Variants in SLC2A9 observed in about 807,000 individuals in gnomAD.
SLC2A9 encodes the protein solute carrier family 2 member 9.
Under a neutral mutation model 50.6 loss-of-function variants are expected in SLC2A9, and 39 were observed. That is an observed-to-expected ratio of 0.77 (90% CI 0.60 to 1.01). SLC2A9 has a LOEUF of 1.01. Ranked by LOEUF, SLC2A9 falls within the 50% of genes least tolerant of loss-of-function variation. The probability of loss-of-function intolerance (pLI) is 0.00; values close to 1 mark genes in which losing one functional copy is unlikely to be tolerated. For missense variants in SLC2A9, 686 were observed against 677.6 expected, an observed-to-expected ratio of 1.01 and a Z score of -0.14; for synonymous variants, 324 against 276.9, an observed-to-expected ratio of 1.17 and a Z score of -1.69.
At chr4:9,963,329 T>C (rs1752569141) in intron 5 of SLC2A9, among the ~76,000 whole-genome samples, 1 of 152,176 alleles carries the variant, frequency 6.6e-6, no homozygotes, top group African/African-American at 2.4e-5. Context: ...TGGGTAGGGA[T>C]AAAGCCAAGC....
chr4:9,851,040 C>T (rs1284372992), intron 10 of SLC2A9, among the ~76,000 whole-genome samples: 1 of 150,460 alleles, frequency 6.6e-6, no homozygotes, highest in Non-Finnish European at 1.5e-5. Flanking sequence ...TATGCAGGAA[C>T]ACCACCACCC....
chr4:9,894,387 A>T (rs1475635701), intron 8 of SLC2A9, among the ~76,000 whole-genome samples: 1 of 152,206 alleles, frequency 6.6e-6, no homozygotes, highest in Non-Finnish European at 1.5e-5. Flanking sequence ...AAGCTAATAC[A>T]CCCTGGAAAA....
chr4:9,869,761 A>C (rs1336515321), intron 10 of SLC2A9, among the ~76,000 whole-genome samples: 1 of 152,224 alleles, frequency 6.6e-6, no homozygotes, highest in Non-Finnish European at 1.5e-5. Context: ...AACTTGAATG[A>C]ACTGTTTTTG....
At chr4:9,783,528 C>T in intron 3 of SLC2A9, 4 of 1,418,378 alleles carry the variant, frequency 2.8e-6, no homozygotes, top group Non-Finnish European at 3.8e-6. Flanking sequence ...CACGCACACA[C>T]ACGCAAATAC....
At chr4:10,025,782 C>T, upstream of SLC2A9, 1 of 903,538 alleles carries the variant, frequency 1.1e-6, no homozygotes. Context: ...TCAGCTGCTG[C>T]TCACTCTTTT....
chr4:9,889,794 G>A (rs1223417300), intron 9 of SLC2A9, among the ~76,000 whole-genome samples: 3 of 152,228 alleles, frequency 2.0e-5, no homozygotes, highest in Non-Finnish European at 4.4e-5. Context: ...AGATGAGTTG[G>A]AGGTACTGAG....
At chr4:9,942,751 C>T (rs1464363488) in intron 5 of SLC2A9, among the ~76,000 whole-genome samples, 2 of 152,226 alleles carry the variant, frequency 1.3e-5, no homozygotes, top group African/African-American at 2.4e-5. Context: ...TTACGATGCC[C>T]ATCAAGGTAG....
At chr4:9,832,258 G>A (rs10009838) in intron 11 of SLC2A9, among the ~76,000 whole-genome samples, 83,464 of 151,886 alleles carry the variant, frequency 0.55, 23,873 homozygotes, top group Non-Finnish European at 0.63. Context: ...CTGGGGTTGG[G>A]GGATGTGACT....
chr4:9,925,273 GC>G (rs1560315010), intron 6 of SLC2A9, among the ~76,000 whole-genome samples: 2 of 152,154 alleles, frequency 1.3e-5, no homozygotes, highest in African/African-American at 4.8e-5. Flanking sequence ...GACCTTCCCT[GC>G]CCCCATGATG....
intron 2 of SLC2A9, among the ~76,000 whole-genome samples, chr4:10,009,292 C>T (rs1045519352): frequency 6.6e-6 from 1 of 152,164 alleles, no homozygotes; most frequent in Non-Finnish European, 1.5e-5. Context: ...GAGCAGCCTG[C>T]TAAGATGGCA....
chr4:9,987,057 T>A (rs189947156), intron 3 of SLC2A9, among the ~76,000 whole-genome samples: 1 of 152,324 alleles, frequency 6.6e-6, no homozygotes, highest in East Asian at 1.9e-4. Flanking sequence ...AGATAGGTAC[T>A]CTTATAATCT....
At chr4:9,795,118 T>A (rs1402778614), downstream of SLC2A9, among the ~76,000 whole-genome samples, 2 of 148,580 alleles carry the variant, frequency 1.3e-5, no homozygotes, top group African/African-American at 2.5e-5. Flanking sequence ...TTCAAGCAAT[T>A]CTCCTGCCTC....
chr4:9,798,534 A>G (rs908998797), downstream of SLC2A9: 1 of 149,714 alleles, frequency 6.7e-6, no homozygotes, highest in Non-Finnish European at 1.5e-5. Flanking sequence ...ATGTCAATCC[A>G]TCCATTTTAT....
At chr4:9,898,438 C>A (rs1469487174) in intron 8 of SLC2A9, among the ~76,000 whole-genome samples, 2 of 152,178 alleles carry the variant, frequency 1.3e-5, no homozygotes, top group African/African-American at 4.8e-5. Flanking sequence ...ACATACATTA[C>A]TTTATATACA....
intron 5 of SLC2A9, among the ~76,000 whole-genome samples, chr4:9,956,494 C>CA (rs1038526065): frequency 4.6e-5 from 7 of 151,468 alleles, no homozygotes; most frequent in African/African-American, 9.7e-5. Flanking sequence ...AACAAAAAAA[C>CA]AAAAAAACAA....
At chr4:9,957,472 A>T (rs531389042) in intron 5 of SLC2A9, among the ~76,000 whole-genome samples, 1 of 152,328 alleles carries the variant, frequency 6.6e-6, no homozygotes, top group Admixed American at 6.5e-5. Flanking sequence ...AAAGTGTCTA[A>T]CACAAAGGAG....
chr4:9,984,886 G>A (rs1016024419), intron 4 of SLC2A9, among the ~76,000 whole-genome samples: 2 of 152,122 alleles, frequency 1.3e-5, no homozygotes, highest in South Asian at 2.1e-4. Flanking sequence ...CACAGTCCTC[G>A]CCGTGGCCTA....
At chr4:10,001,418 C>A (rs964212163) in intron 2 of SLC2A9, among the ~76,000 whole-genome samples, 2 of 152,176 alleles carry the variant, frequency 1.3e-5, no homozygotes, top group Non-Finnish European at 2.9e-5. Flanking sequence ...TGGAACTGAG[C>A]CTTCCTTCAA....
intron 5 of SLC2A9, among the ~76,000 whole-genome samples, chr4:9,954,746 C>T (rs894980692): frequency 6.6e-6 from 1 of 152,200 alleles, no homozygotes; most frequent in South Asian, 2.1e-4. Flanking sequence ...AGTGTCTGAC[C>T]CCTGCCTCTG....
Sources: gnomAD v4.1 joint callset for allele counts (sites outside exome capture counted in the v4.1 genomes callset) on GRCh38, gnomAD v4.1.1 for gene constraint, MANE v1.5 for transcripts, NCBI Gene and HGNC (gene_info 2026-07-23, HGNC 2026-07-21) for gene names.